FNBP4: variants seen among roughly 807,000 people sequenced by gnomAD.
FNBP4 encodes formin-binding protein 4.
Under a neutral mutation model 119.3 loss-of-function variants are expected in FNBP4, and 34 were observed. That is an observed-to-expected ratio of 0.28 (90% CI 0.22 to 0.38). FNBP4 has a LOEUF of 0.38. Among genes scored for constraint, FNBP4 ranks in the 10% least tolerant of loss-of-function variants. The pLI is 1.00. For synonymous variants in FNBP4, 462 were observed against 430.6 expected, an observed-to-expected ratio of 1.07 and a Z score of -0.90; for missense variants, 1,112 against 1,228.9, an observed-to-expected ratio of 0.90 and a Z score of 1.42.
At position 47,723,294 on chromosome 11, in the gene FNBP4, T is replaced by G. The variant is rs1565120712; in HGVS notation, c.2487A>C (p.Gly829=). 1 of 1,610,878 alleles carries G rather than the reference T, an allele frequency of 6.2e-7. No homozygotes were observed. Among genetic ancestry groups the G allele is most frequent in the Non-Finnish European group, 8.5e-7 (1 of 1,177,538 alleles). ...GATGTCCAATTCCTGTTGCCTGGTT[T>G]CCAATCCCTGCTGCCTGGTGACCTA... The part of the protein sequence containing the change: ...IATGHQAAGI[G]NQATGIGHQT... Residue 829 remains glycine, a synonymous_variant, in exon 15 of 17, where the codon GGA becomes GGC. Coordinates refer to ENST00000263773, the MANE Select transcript of FNBP4 (RefSeq NM_015308.5).
rs1192646062 is a variant in FNBP4, at chr11:47,765,304, G to C, written c.279C>G (p.Val93=). Residue 93 remains valine, a synonymous_variant, in exon 2 of 17, where the codon GTC becomes GTG. Transcript: ENST00000263773. ...PRVVQNPPKP[V]MTTRPTAVKA... ...TAACAGCTGTGGGTCTAGTGGTCAT[G>C]ACTGGTTTTGGAGGATTCTGAACAA... 6.2e-7 allele frequency: 1 copy of C among 1,612,376 alleles called. No homozygotes were observed. Among genetic ancestry groups the C allele is most frequent in the Non-Finnish European group, 8.5e-7 (1 of 1,179,518 alleles).
At chr11:47,738,800 C>A (rs181009693) in intron 8 of FNBP4, among the ~76,000 whole-genome samples, 1 of 149,510 alleles carries the variant, frequency 6.7e-6, no homozygotes, top group East Asian at 2.0e-4. Flanking sequence ...CCTGCCTCAG[C>A]CTTCCAAGTA....
At chr11:47,720,975 G>C (rs1471651904) in intron 15 of FNBP4, among the ~76,000 whole-genome samples, 2 of 151,888 alleles carry the variant, frequency 1.3e-5, no homozygotes, top group African/African-American at 4.8e-5. Context: ...AACACAGTGA[G>C]ACTCTGTCTC....
intron 2 of FNBP4, among the ~76,000 whole-genome samples, chr11:47,756,546 TTTG>T (rs140460023): frequency 0.013 from 1,928 of 152,192 alleles, 45 homozygotes; most frequent in African/African-American, 0.043. Context: ...GGTTAAGTTT[TTTG>T]TTGTTGTTGT....
In FNBP4 at chr11:47,719,979, T is replaced by C; in HGVS notation, c.2913A>G (p.Glu971=). The part of the protein sequence containing the change: ...DNSSSSEEDR[E]STAQKRIEEW... ...CTTCAATTCGCTTCTGTGCAGTTGATTCCCGATCCTCTTCACTGGAACTAG... is the reference window on the plus strand; with the variant it reads ...CTTCAATTCGCTTCTGTGCAGTTGACTCCCGATCCTCTTCACTGGAACTAG... The change falls in exon 16 of 17, where the codon GAA becomes GAG. Residue 971 remains glutamate, a synonymous_variant. Transcript: ENST00000263773. The C allele has an allele frequency of 6.2e-7, 1 of 1,614,068 alleles. No homozygotes were observed. The highest frequency in any genetic ancestry group is 8.5e-7 in the Non-Finnish European group (1 of 1,179,964).
intron 5 of FNBP4, 41 bp from the exon 6 acceptor site, chr11:47,751,077 T>C (rs777266453): frequency 1.1e-5 from 17 of 1,612,434 alleles, no homozygotes; most frequent in South Asian, 5.5e-5. Flanking sequence ...ATAAGACAAA[T>C]ACTATCAGCA....
intron 8 of FNBP4, among the ~76,000 whole-genome samples, chr11:47,737,748 A>C (rs1328960134): frequency 6.7e-6 from 1 of 149,646 alleles, no homozygotes; most frequent in Non-Finnish European, 1.5e-5. Context: ...GCTGCATCAT[A>C]ATTTTTTTTT....
At chr11:47,717,625 G>A in intron 16 of FNBP4, 113 bp from the exon 17 acceptor site, 2 of 765,404 alleles carry the variant, frequency 2.6e-6, no homozygotes, top group Non-Finnish European at 4.3e-6. Flanking sequence ...TCACGTCTAT[G>A]TTTATGAAAA....
In FNBP4 at chr11:47,762,906, C is replaced by CAAAAAAAA. The variant is rs56659957; in HGVS notation, c.313+2356_313+2363dup. Among the ~76,000 whole-genome samples, 290 of 100,450 alleles carry CAAAAAAAA rather than the reference C, an allele frequency of 2.9e-3. 7 individuals are homozygous for CAAAAAAAA. The highest frequency in any genetic ancestry group is 4.0e-3 in the Non-Finnish European group (179 of 44,612). 65.9% of individuals were successfully genotyped at this position (100,450 alleles called of 152,430 possible). A position where few individuals can be genotyped will look rare whatever the true frequency, so the allele number is the denominator to read the frequency against. ...GCCTGGGCAACAGAGACTCTGATTCCAAAAAAAAAAAAAAAAAAAAAGAGT... is the reference window on the plus strand; with the variant it reads ...GCCTGGGCAACAGAGACTCTGATTCCAAAAAAAAAAAAAAAAAAAAAAAAAAAAAGAGT... On this transcript the variant is annotated intron_variant, in intron 2 of 16. Transcript: ENST00000263773.
At chr11:47,753,456 C>T (rs2097608591) in intron 3 of FNBP4, among the ~76,000 whole-genome samples, 1 of 152,002 alleles carries the variant, frequency 6.6e-6, no homozygotes, top group South Asian at 2.1e-4. Flanking sequence ...ACTAAAAATA[C>T]AAAAATTAGC....
At chr11:47,765,587 T>C in intron 1 of FNBP4, among the ~76,000 whole-genome samples, 1 of 85,790 alleles carries the variant, frequency 1.2e-5, no homozygotes, top group African/African-American at 6.2e-5. Flanking sequence ...GGGGGGCCAC[T>C]TGAGGTCAGG....
At chr11:47,730,790 A>T (rs559229291) in intron 12 of FNBP4, among the ~76,000 whole-genome samples, 14 of 152,324 alleles carry the variant, frequency 9.2e-5, no homozygotes, top group African/African-American at 3.4e-4. Context: ...AAATTCTTCC[A>T]AGAGTACCTT....
chr11:47,737,792 GCTGGAGTA>G (rs1243120321), intron 8 of FNBP4, among the ~76,000 whole-genome samples: 2 of 151,826 alleles, frequency 1.3e-5, no homozygotes, highest in African/African-American at 4.8e-5. Flanking sequence ...TGTTGCCCAG[GCTGGAGTA>G]CAGTGGCGTG....
Position 47,717,370 on chromosome 11 carries a change from G to T in FNBP4, c.*52C>A. 8.0e-7 allele frequency: 1 copy of T among 1,250,282 alleles called. No individual in the cohort carries two copies. 77.4% of individuals were successfully genotyped at this position (1,250,282 alleles called of 1,614,324 possible). A position where few individuals can be genotyped will look rare whatever the true frequency, so the allele number is the denominator to read the frequency against. The stretch of plus-strand genomic sequence containing the variant: ...TGACAATAAAACTGGTTAAGACTTT[G>T]AACTGAACACAAAACAAACAATAAT... On this transcript the variant is annotated 3_prime_UTR_variant, in exon 17 of 17. Coordinates refer to ENST00000263773, the MANE Select transcript of FNBP4 (RefSeq NM_015308.5).
Position 47,734,131 on chromosome 11 carries a change from T to C in FNBP4, c.1582-2A>G. 1 of 1,554,984 alleles carries C rather than the reference T, an allele frequency of 6.4e-7. No homozygotes were observed. Among genetic ancestry groups the C allele is most frequent in the Non-Finnish European group, 8.7e-7 (1 of 1,151,668 alleles). On this transcript the variant is annotated splice_acceptor_variant, in intron 9 of 16. Coordinates refer to ENST00000263773, the MANE Select transcript of FNBP4 (RefSeq NM_015308.5). LOFTEE classifies it high-confidence loss of function. ...ATTTGCCAGTTCTCCAATCTGAAAC[T>C]ACAATGCAAAAAAGAAAAAAAGTAA...
In FNBP4 at chr11:47,740,613, C is replaced by T. The variant is rs75820190; in HGVS notation, c.1456+3340G>A. Reference sequence around the variant, plus strand: ...CATATGTATTTGTTTTTTTTTTCCCCGAGACAGTCTCACTCTGTCGCTTAG... The same window carrying T: ...CATATGTATTTGTTTTTTTTTTCCCTGAGACAGTCTCACTCTGTCGCTTAG... On this transcript the variant is annotated intron_variant, in intron 8 of 16. Transcript: ENST00000263773. 2.5e-3 allele frequency among the ~76,000 whole-genome samples: 378 copies of T among 150,348 alleles called. 6 individuals carry two copies. The highest frequency in any genetic ancestry group is 0.014 in the Middle Eastern group (4 of 294).
intron 12 of FNBP4, among the ~76,000 whole-genome samples, chr11:47,728,278 T>A (rs2097563414): frequency 6.6e-6 from 1 of 152,002 alleles, no homozygotes; most frequent in Non-Finnish European, 1.5e-5. Flanking sequence ...GACGGAGTCT[T>A]TAAGCCTGTT....
At position 47,723,156 on chromosome 11, in the gene FNBP4, T is replaced by G; in HGVS notation, c.2625A>C (p.Ala875=). ...LAAAPAIMSY[A]ECSVPIGVTA... ...TCACTCCAATTGGGACAGAACATTCTGCATAACTCATAATTGCAGGTGCTG... is the reference window on the plus strand; with the variant it reads ...TCACTCCAATTGGGACAGAACATTCGGCATAACTCATAATTGCAGGTGCTG... The change falls in exon 15 of 17, where the codon GCA becomes GCC. Residue 875 remains alanine, a synonymous_variant. Coordinates refer to ENST00000263773, the MANE Select transcript of FNBP4 (RefSeq NM_015308.5). 4 of 1,614,112 alleles carry G rather than the reference T, an allele frequency of 2.5e-6. No individual in the cohort carries two copies. The highest frequency in any genetic ancestry group is 3.4e-6 in the Non-Finnish European group (4 of 1,180,026).
At chr11:47,731,925 A>G in intron 11 of FNBP4, 1 of 1,006,614 alleles carries the variant, frequency 9.9e-7, no homozygotes, top group African/African-American at 1.7e-5. Context: ...GAAGAGAACA[A>G]CGAAGTTTGT....
Sources: allele counts gnomAD v4.1 joint callset (sites outside exome capture counted in the v4.1 genomes callset), GRCh38; gene constraint gnomAD v4.1.1; transcripts MANE v1.5; gene names NCBI Gene and HGNC (gene_info 2026-07-23, HGNC 2026-07-21).